The following FAM13A variants were observed in gnomAD, a reference collection of about 807,000 sequenced individuals.
FAM13A encodes the protein family with sequence similarity 13 member A, also known as protein FAM13A.
FAM13A carries 76 observed loss-of-function variants against 129.6 expected under a neutral mutation model. The observed-to-expected ratio is 0.59, with a 90% confidence interval of 0.49 to 0.71. The LOEUF (loss-of-function observed/expected upper bound fraction) is 0.71, where lower values mean the gene tolerates loss of function less well. Ranked by LOEUF, FAM13A falls within the 30% of genes least tolerant of loss-of-function variation. The pLI, the probability that FAM13A is intolerant of heterozygous loss-of-function variation, is 0.00. For missense variants in FAM13A, 1,108 were observed against 1,249.3 expected (o/e 0.89, Z 1.70); for synonymous variants, 443 against 449.9 (o/e 0.98, Z 0.20).
At chr4:88,926,389 GCCT>G (rs1026137145) in intron 5 of FAM13A, among the ~76,000 whole-genome samples, 10 of 152,282 alleles carry the variant, frequency 6.6e-5, no homozygotes, top group East Asian at 1.9e-4. Context: ...TTTACTGAGT[GCCT>G]CCTATTTGCC....
chr4:88,883,713 G>C (rs2150134527), intron 6 of FAM13A, among the ~76,000 whole-genome samples: 1 of 152,046 alleles, frequency 6.6e-6, no homozygotes, highest in East Asian at 1.9e-4. Flanking sequence ...AAAGATAAAT[G>C]AAACAAAAAC....
intron 4 of FAM13A, among the ~76,000 whole-genome samples, chr4:88,958,683 G>T (rs1758145691): frequency 6.6e-6 from 1 of 152,232 alleles, no homozygotes; most frequent in South Asian, 2.1e-4. Context: ...CTAGGACAGT[G>T]TGGAGGGGAA....
intron 6 of FAM13A, among the ~76,000 whole-genome samples, chr4:88,863,276 GAACCTCCA>G (rs1739818326): frequency 6.6e-6 from 1 of 152,090 alleles, no homozygotes; most frequent in African/African-American, 2.4e-5. Flanking sequence ...CCACCTAATG[GAACCTCCA>G]TAAAAAGCGT....
At chr4:88,775,957 G>C (rs1460553475) in intron 11 of FAM13A, among the ~76,000 whole-genome samples, 1 of 152,204 alleles carries the variant, frequency 6.6e-6, no homozygotes, top group Admixed American at 6.5e-5. Context: ...GCTATGAAGT[G>C]AGATAGTTGG....
At chr4:88,920,296 C>G (rs1468414206) in intron 5 of FAM13A, among the ~76,000 whole-genome samples, 1 of 152,152 alleles carries the variant, frequency 6.6e-6, no homozygotes, top group East Asian at 1.9e-4. Context: ...CTGGGAGGCA[C>G]CCCATAGTAG....
chr4:88,960,738 G>C (rs1182508296), intron 4 of FAM13A, among the ~76,000 whole-genome samples: 1 of 152,162 alleles, frequency 6.6e-6, no homozygotes, highest in African/African-American at 2.4e-5. Context: ...GACAGGCATT[G>C]TCTTTTGCAA....
chr4:88,741,338 T>A (rs1740207056), intron 19 of FAM13A, among the ~76,000 whole-genome samples: 1 of 152,232 alleles, frequency 6.6e-6, no homozygotes, highest in African/African-American at 2.4e-5. Flanking sequence ...CACAGCTATA[T>A]GCATCATGGA....
At chr4:88,946,401 C>CT (rs3067813) in intron 4 of FAM13A, among the ~76,000 whole-genome samples, 28,598 of 91,492 alleles carry the variant, frequency 0.31, 4,873 homozygotes, top group Middle Eastern at 0.4. Flanking sequence ...CTCCCGCGTT[C>CT]TTTTTTTTTT....
chr4:88,940,269 C>G (rs1024556477), intron 4 of FAM13A, among the ~76,000 whole-genome samples: 13 of 152,132 alleles, frequency 8.5e-5, no homozygotes, highest in Admixed American at 7.2e-4. Flanking sequence ...AAGGACACCA[C>G]TGATGAGGGC....
chr4:88,737,450 G>A, intron 21 of FAM13A, 22 bp downstream of exon 21: 3 of 1,604,332 alleles, frequency 1.9e-6, no homozygotes, highest in South Asian at 1.1e-5. Flanking sequence ...TTTAGCAATG[G>A]GTTAGCAGCT....
At chr4:88,910,841 G>A (rs988736100) in intron 5 of FAM13A, among the ~76,000 whole-genome samples, 4 of 151,898 alleles carry the variant, frequency 2.6e-5, no homozygotes, top group Non-Finnish European at 5.9e-5. Context: ...GTAGAGACGG[G>A]GTTTCACCAC....
At chr4:89,020,277 G>T (rs951708445) in intron 3 of FAM13A, among the ~76,000 whole-genome samples, 183 bp downstream of exon 3, 5 of 122,636 alleles carry the variant, frequency 4.1e-5, no homozygotes, top group East Asian at 4.6e-4. Flanking sequence ...TTTTTTTTCT[G>T]CCCTTTTTTT....
chr4:88,838,722 G>A (rs1163089023), intron 7 of FAM13A, among the ~76,000 whole-genome samples: 7 of 97,872 alleles, frequency 7.2e-5, no homozygotes, highest in Middle Eastern at 4.2e-3. Flanking sequence ...GCAAGACTCC[G>A]TCTCAAAAAA....
At chr4:88,943,487 C>G (rs1022349514) in intron 4 of FAM13A, among the ~76,000 whole-genome samples, 4 of 152,198 alleles carry the variant, frequency 2.6e-5, no homozygotes, top group African/African-American at 9.6e-5. Flanking sequence ...ACTTGCTTGT[C>G]AATTATATCA....
intron 4 of FAM13A, among the ~76,000 whole-genome samples, chr4:88,961,987 G>C (rs1758685852): frequency 6.6e-6 from 1 of 151,784 alleles, no homozygotes; most frequent in Non-Finnish European, 1.5e-5. Context: ...TAAAACAATA[G>C]AAAATTAGGG....
chr4:88,977,360 C>A (rs1169268874), intron 4 of FAM13A, among the ~76,000 whole-genome samples: 1 of 152,116 alleles, frequency 6.6e-6, no homozygotes, highest in Non-Finnish European at 1.5e-5. Context: ...GAAAGTGAAA[C>A]TGCAAATAAA....
chr4:88,765,612 A>C (rs1444175588), intron 13 of FAM13A, among the ~76,000 whole-genome samples: 2 of 152,248 alleles, frequency 1.3e-5, no homozygotes, highest in East Asian at 1.9e-4. Context: ...AAAAAGCTTT[A>C]CAAAATGGAA....
At chr4:89,001,617 T>C (rs1259253134) in intron 3 of FAM13A, among the ~76,000 whole-genome samples, 1 of 152,190 alleles carries the variant, frequency 6.6e-6, no homozygotes, top group Admixed American at 6.5e-5. Flanking sequence ...ATGGAGTTCA[T>C]ACTATCCAAG....
chr4:88,750,674 G>A, intron 14 of FAM13A, 37 bp from the exon 15 acceptor site: 1 of 1,506,982 alleles, frequency 6.6e-7, no homozygotes, highest in Non-Finnish European at 9.2e-7. Context: ...GACTGTTCCT[G>A]AAAGAGGTCA....
Sources: gnomAD v4.1 joint callset for allele counts (sites outside exome capture counted in the v4.1 genomes callset) on GRCh38, gnomAD v4.1.1 for gene constraint, MANE v1.5 for transcripts, NCBI Gene and HGNC (gene_info 2026-07-23, HGNC 2026-07-21) for gene names.